The following NR5A2 variants were observed in gnomAD, a reference collection of about 807,000 sequenced individuals.
NR5A2 encodes CYP7A promoter-binding factor.
A neutral mutation model predicts 62.7 loss-of-function variants in NR5A2; 26 were observed. That is an observed-to-expected ratio of 0.41 (90% CI 0.30 to 0.58). The LOEUF (loss-of-function observed/expected upper bound fraction) is 0.58. Ranked by LOEUF, NR5A2 falls within the 20% of genes least tolerant of loss-of-function variation. NR5A2 has a pLI of 0.22. For missense variants in NR5A2, 541 were observed against 669.1 expected (o/e 0.81, Z 2.11); for synonymous variants, 246 against 241.7 (o/e 1.02, Z -0.16).
intron 1 of NR5A2, among the ~76,000 whole-genome samples, chr1:200,036,015 A>G (rs61819898): frequency 0.097 from 14,691 of 152,060 alleles, 865 homozygotes; most frequent in African/African-American, 0.17. Context: ...GTGGGTTCCT[A>G]AGTGTGCTTA....
intron 5 of NR5A2, among the ~76,000 whole-genome samples, chr1:200,095,306 A>G (rs1386002055): frequency 6.6e-6 from 1 of 152,004 alleles, no homozygotes; most frequent in African/African-American, 2.4e-5. Context: ...TAATTGAAAT[A>G]GCAATGAGAT....
At chr1:200,167,945 T>G (rs1006251675) in intron 7 of NR5A2, among the ~76,000 whole-genome samples, 2 of 152,214 alleles carry the variant, frequency 1.3e-5, no homozygotes, top group Admixed American at 1.3e-4. Context: ...GTAAGGGCAC[T>G]GCTTATCTGT....
chr1:200,120,988 C>G, intron 7 of NR5A2, 33 bp downstream of exon 7: 3 of 1,610,672 alleles, frequency 1.9e-6, no homozygotes, highest in Non-Finnish European at 2.5e-6. Flanking sequence ...TGTGCTCAAC[C>G]AACGATTGCT....
intron 5 of NR5A2, among the ~76,000 whole-genome samples, chr1:200,103,122 C>T (rs375921372): frequency 3.0e-4 from 32 of 106,620 alleles, no homozygotes; most frequent in East Asian, 1.8e-3. Flanking sequence ...ATGTAAAACT[C>T]TTTTTTTTTT....
Position 200,027,836 on chromosome 1 carries a change from A to G in NR5A2, c.-12A>G, listed in dbSNP as rs755926901. On this transcript the variant is annotated 5_prime_UTR_variant, in exon 1 of 8. Transcript: ENST00000367362. ...GCTTTAAGCCAAAGAACTGCCTATAATTTCACTAAGAATGTCTTCTAATTC... is the reference window on the plus strand; with the variant it reads ...GCTTTAAGCCAAAGAACTGCCTATAGTTTCACTAAGAATGTCTTCTAATTC... The G allele has an allele frequency of 3.8e-6, 6 of 1,593,620 alleles. No homozygotes were observed. Among genetic ancestry groups the G allele is most frequent in the Admixed American group, 1.7e-5 (1 of 57,286 alleles).
chr1:200,095,875 T>A (rs188930100), intron 5 of NR5A2, among the ~76,000 whole-genome samples: 70 of 152,054 alleles, frequency 4.6e-4, no homozygotes, highest in African/African-American at 1.4e-3. Context: ...TTTTAAAAAA[T>A]TTTTTGGCAG....
intron 5 of NR5A2, among the ~76,000 whole-genome samples, chr1:200,080,813 G>A (rs945166922): frequency 2.6e-5 from 4 of 152,208 alleles, no homozygotes; most frequent in Non-Finnish European, 5.9e-5. Flanking sequence ...ATTCTTGGAT[G>A]AGAGGCAACA....
chr1:200,040,506 C>G (rs956592084), intron 2 of NR5A2, among the ~76,000 whole-genome samples: 1 of 152,088 alleles, frequency 6.6e-6, no homozygotes, highest in Non-Finnish European at 1.5e-5. Context: ...TGATTGCCAA[C>G]AAAAAAACAA....
intron 3 of NR5A2, 98 bp downstream of exon 3, chr1:200,043,990 A>AC (rs1376229232): frequency 1.4e-6 from 1 of 718,762 alleles, no homozygotes; most frequent in African/African-American, 1.8e-5. Context: ...CCTTTTTTAA[A>AC]GACTCAACTA....
At position 200,027,771 on chromosome 1, in the gene NR5A2, A is replaced by T; in HGVS notation, c.-77A>T. On this transcript the variant is annotated 5_prime_UTR_variant, in exon 1 of 8. Transcript: ENST00000367362. ...TGATGTGTCCTTCCCAAGGCCACGAAATTTGACAAGCTGCACTTTTCTTTT... is the reference window on the plus strand; with the variant it reads ...TGATGTGTCCTTCCCAAGGCCACGATATTTGACAAGCTGCACTTTTCTTTT... 2 of 1,102,140 alleles carry T rather than the reference A, an allele frequency of 1.8e-6. No homozygotes were observed. Among genetic ancestry groups the T allele is most frequent in the Non-Finnish European group, 2.7e-6 (2 of 747,216 alleles). 68.3% of individuals were successfully genotyped at this position (1,102,140 alleles called of 1,614,324 possible).
intron 7 of NR5A2, among the ~76,000 whole-genome samples, chr1:200,154,381 C>A (rs1186222396): frequency 1.3e-5 from 2 of 152,228 alleles, no homozygotes; most frequent in Non-Finnish European, 2.9e-5. Context: ...CATGCAAAGT[C>A]TTGCAGTGTG....
At chr1:200,066,357 T>C (rs1663467721) in intron 5 of NR5A2, among the ~76,000 whole-genome samples, 1 of 151,294 alleles carries the variant, frequency 6.6e-6, no homozygotes, top group Non-Finnish European at 1.5e-5. Flanking sequence ...CCAGACCATC[T>C]AGGGGAAAAT....
chr1:200,146,698 A>G (rs1429899636), intron 7 of NR5A2, among the ~76,000 whole-genome samples: 2 of 152,344 alleles, frequency 1.3e-5, no homozygotes, highest in South Asian at 4.1e-4. Flanking sequence ...TTTCAGACCT[A>G]TGGTTCTCAA....
chr1:200,154,413 A>G (rs1653281477), intron 7 of NR5A2, among the ~76,000 whole-genome samples: 1 of 152,214 alleles, frequency 6.6e-6, no homozygotes, highest in Non-Finnish European at 1.5e-5. Context: ...GTGGCTGTGC[A>G]TTGGGTTCAG....
chr1:200,156,708 T>G (rs1006760049), intron 7 of NR5A2, among the ~76,000 whole-genome samples: 1 of 152,288 alleles, frequency 6.6e-6, no homozygotes, highest in African/African-American at 2.4e-5. Context: ...ATTCTGTTTT[T>G]TAGTTTCAGT....
At chr1:200,125,874 G>T (rs1267290901) in intron 7 of NR5A2, among the ~76,000 whole-genome samples, 1 of 152,060 alleles carries the variant, frequency 6.6e-6, no homozygotes, top group Non-Finnish European at 1.5e-5. Context: ...TTAGAGACAG[G>T]GTCCTGCTCT....
At chr1:200,171,773 C>A (rs1654192435) in intron 7 of NR5A2, among the ~76,000 whole-genome samples, 1 of 151,974 alleles carries the variant, frequency 6.6e-6, no homozygotes, top group African/African-American at 2.4e-5. Context: ...AAGAAGTTAA[C>A]CATTGAATGC....
At chr1:200,038,164 G>C (rs146471407) in intron 1 of NR5A2, among the ~76,000 whole-genome samples, 2 of 152,202 alleles carry the variant, frequency 1.3e-5, no homozygotes, top group African/African-American at 4.8e-5. Flanking sequence ...AAGAGCTTGC[G>C]TAACAGATGG....
At chr1:200,066,077 T>C (rs1422997870) in intron 5 of NR5A2, among the ~76,000 whole-genome samples, 2 of 152,028 alleles carry the variant, frequency 1.3e-5, no homozygotes, top group Non-Finnish European at 2.9e-5. Context: ...GAATTCTCAG[T>C]AGAAAAACTA....
Sources: allele counts gnomAD v4.1 joint callset (sites outside exome capture counted in the v4.1 genomes callset), GRCh38; gene constraint gnomAD v4.1.1; transcripts MANE v1.5; gene names NCBI Gene and HGNC (gene_info 2026-07-23, HGNC 2026-07-21).